ZNF839: variants seen among roughly 807,000 people sequenced by gnomAD.
ZNF839 encodes zinc finger protein 839, also known as renal carcinoma antigen NY-REN-50.
Under a neutral mutation model 56.4 loss-of-function variants are expected in ZNF839, and 38 were observed. The observed-to-expected ratio is 0.67, with a 90% CI of 0.52 to 0.88. The LOEUF is 0.88. Among genes scored for constraint, ZNF839 ranks in the 40% least tolerant of loss-of-function variants. The pLI is 0.00. For missense variants in ZNF839, 1,091 were observed against 1,177.6 expected (o/e 0.93, Z 1.08); for synonymous variants, 486 against 493.5 (o/e 0.98, Z 0.20).
Position 102,341,309 on chromosome 14 carries a change from C to T in ZNF839, c.1928-14C>T, listed in dbSNP as rs1207797595. On this transcript the variant is annotated splice_polypyrimidine_tract_variant and intron_variant, in intron 7 of 7. Coordinates refer to ENST00000442396, the MANE Select transcript of ZNF839 (RefSeq NM_018335.6). ...CAGTACACGCCATGTTCACCTGTTT[C>T]CCAAAATGTTTAGGTTTTTCCCCTC... The T allele has an allele frequency of 2.6e-6, 4 of 1,514,404 alleles. No homozygotes were observed. Among genetic ancestry groups the T allele is most frequent in the Non-Finnish European group, 3.5e-6 (4 of 1,131,878 alleles). The allele number at this position is 1,514,404 out of a possible 1,614,324, so 93.8% of individuals were successfully genotyped here.
At chr14:102,328,375 A>AAAAAAT (rs1197718891) in intron 2 of ZNF839, among the ~76,000 whole-genome samples, 12 of 16,340 alleles carry the variant, frequency 7.3e-4, no homozygotes, top group Non-Finnish European at 1.2e-3. Flanking sequence ...AAAAAAAAAA[A>AAAAAAT]ATATATATAT....
chr14:102,338,929 T>C lies in ZNF839; in HGVS notation c.1773T>C (p.Ala591=). ...RDMDGEQLEG[A]SSEKREREAA... ...TGGATGGGGAGCAGCTAGAGGGAGCTAGCAGCGAGAAGAGGGAACGTGAGG... is the reference window on the plus strand; with the variant it reads ...TGGATGGGGAGCAGCTAGAGGGAGCCAGCAGCGAGAAGAGGGAACGTGAGG... The change falls in exon 6 of 8, where the codon GCT becomes GCC. Residue 591 remains alanine (A), a synonymous_variant. Transcript: ENST00000442396. 6.2e-7 allele frequency: 1 copy of C among 1,613,894 alleles called. No homozygotes were observed. Among genetic ancestry groups the C allele is most frequent in the Middle Eastern group, 1.6e-4 (1 of 6,062 alleles).
rs2139439042 is a variant in ZNF839 at position 102,319,924 on chromosome 14, G to A, written c.159G>A (p.Pro53=). 8.8e-7 allele frequency: 1 copy of A among 1,136,012 alleles called. No individual in the cohort carries two copies. 70.4% of individuals were successfully genotyped at this position (1,136,012 alleles called of 1,614,324 possible). ...TGGAGCAGGTGACGAAGGCGCAGCC[G>A]CCGCCGCCGCCGCCCCCCTTCGTGC... ...QVLEQVTKAQ[P]PPPPPPFVLR... is the part of the protein sequence containing the mutation. The change falls in exon 1 of 8, where the codon CCG becomes CCA. Residue 53 remains proline, a synonymous_variant. Coordinates refer to ENST00000442396, the MANE Select transcript of ZNF839 (RefSeq NM_018335.6). The surrounding 1 kb of genome is among the most constrained non-coding windows in gnomAD (Gnocchi z 4.5).
chr14:102,328,973 CTTTT>C (rs201814671), intron 2 of ZNF839, among the ~76,000 whole-genome samples: 2 of 142,216 alleles, frequency 1.4e-5, no homozygotes, highest in African/African-American at 2.6e-5. Flanking sequence ...CTGCTTTCTT[CTTTT>C]TTTTTTTTTT....
chr14:102,335,822 A>C lies in ZNF839; in HGVS notation c.1643A>C (p.Glu548Ala). The C allele has an allele frequency of 6.2e-7, 1 of 1,609,992 alleles. No individual in the cohort carries two copies. Residue 548 changes from glutamate (E) to alanine (A), a missense_variant, in exon 5 of 8, where the codon GAA becomes GCA. By Grantham distance (107) the Glu-to-Ala change is moderately radical. Coordinates refer to ENST00000442396, the MANE Select transcript of ZNF839 (RefSeq NM_018335.6). ...SSGLCSQETL[E>A]INNDKVAESL... The stretch of plus-strand genomic sequence containing the variant: ...GGTCTGTGTTCCCAGGAGACCCTGG[A>C]AATAAACAATGATAAGGTAACAATC...
chr14:102,319,755 C>T lies in ZNF839; in HGVS notation c.-11C>T, dbSNP rs984138503. On this transcript the variant is annotated 5_prime_UTR_variant, in exon 1 of 8. Transcript: ENST00000442396. This position sits in a 1 kb window ranked among gnomAD's most constrained non-coding sequence, Gnocchi z 4.5. ...TCAGCGACCCGGGTTCGAGTCCCCGCCTCGGCCGCCATGGCGGATGCGGAG... is the reference window on the plus strand; with the variant it reads ...TCAGCGACCCGGGTTCGAGTCCCCGTCTCGGCCGCCATGGCGGATGCGGAG... The T allele has an allele frequency of 8.1e-7, 1 of 1,229,466 alleles. No individual in the cohort carries two copies. The allele number at this position is 1,229,466 out of a possible 1,614,324, so 76.2% of individuals were successfully genotyped here. A position where few individuals can be genotyped will look rare whatever the true frequency, so the allele number is the denominator to read the frequency against.
Position 102,342,289 on chromosome 14 carries a change from A to C in ZNF839, c.*110A>C. The stretch of plus-strand genomic sequence containing the variant: ...GTCTGATTTTATCCAGAGAAGGTCT[A>C]TGGCAAGCAATGTATATTTTTCTAA... On this transcript the variant is annotated 3_prime_UTR_variant, in exon 8 of 8. Transcript: ENST00000442396. 1.5e-6 allele frequency: 2 copies of C among 1,330,970 alleles called. No homozygotes were observed. The highest frequency in any genetic ancestry group is 2.1e-6 in the Non-Finnish European group (2 of 974,342). 82.4% of individuals were successfully genotyped at this position (1,330,970 alleles called of 1,614,324 possible). A position where few individuals can be genotyped will look rare whatever the true frequency, so the allele number is the denominator to read the frequency against.
At chr14:102,337,610 C>T (rs1567296046) in intron 5 of ZNF839, 1 of 152,174 alleles carries the variant, frequency 6.6e-6, no homozygotes, top group Non-Finnish European at 1.5e-5. Context: ...TGAGGCGGAA[C>T]TCGGCACACA....
In ZNF839 at chr14:102,341,930, C is replaced by T; in HGVS notation, c.2535C>T (p.Asn845=). 1 of 1,614,028 alleles carries T rather than the reference C, an allele frequency of 6.2e-7. No individual in the cohort carries two copies. Among genetic ancestry groups the T allele is most frequent in the Non-Finnish European group, 8.5e-7 (1 of 1,179,900 alleles). The change falls in exon 8 of 8, where the codon AAC becomes AAT. Residue 845 remains asparagine (N), a synonymous_variant. Coordinates refer to ENST00000442396, the MANE Select transcript of ZNF839 (RefSeq NM_018335.6). ...TCAGAAGCCTTTCGGGGGACTTGAA[C>T]CGGTTCCCCTGTGGGATGGAGGTGC... is the stretch of plus-strand genomic sequence containing the variant. ...GCLRSLSGDL[N]RFPCGMEVHS... is the part of the protein sequence containing the mutation.
At chr14:102,340,236 A>G (rs1471863067) in intron 7 of ZNF839, among the ~76,000 whole-genome samples, 1 of 148,434 alleles carries the variant, frequency 6.7e-6, no homozygotes, top group Non-Finnish European at 1.5e-5. Context: ...TCGGCCTCCC[A>G]AAGTGCTGGG....
chr14:102,318,204 C>T (rs770465178), upstream of ZNF839, among the ~76,000 whole-genome samples: 1 of 152,198 alleles, frequency 6.6e-6, no homozygotes, highest in African/African-American at 2.4e-5. Flanking sequence ...ATAGTCGTGC[C>T]AGGCACGTTG....
At chr14:102,336,600 T>TA in intron 5 of ZNF839, 1 of 401,226 alleles carries the variant, frequency 2.5e-6, no homozygotes, top group Non-Finnish European at 4.9e-6. Flanking sequence ...CGGTCCCCAG[T>TA]TTTTTTTTTC....
In ZNF839 at chr14:102,342,361, T is replaced by G. The variant is rs893477225; in HGVS notation, c.*182T>G. 4 of 686,598 alleles carry G rather than the reference T, an allele frequency of 5.8e-6. No individual in the cohort carries two copies. In the Admixed American group the frequency reaches 9.9e-5, roughly 17 times the overall value. The allele number at this position is 686,598 out of a possible 1,614,324, so 42.5% of individuals were successfully genotyped here. ...CCTTTTATTTATAAAGAATAATGTC[T>G]TTCTGCCCTGCTGTCTACATTTTTC... On this transcript the variant is annotated 3_prime_UTR_variant, in exon 8 of 8. Transcript: ENST00000442396.
At chr14:102,333,687 C>T (rs2073891682) in intron 3 of ZNF839, among the ~76,000 whole-genome samples, 1 of 152,124 alleles carries the variant, frequency 6.6e-6, no homozygotes, top group Non-Finnish European at 1.5e-5. Context: ...TTTCCCAGGC[C>T]TTCTTCCCTC....
intron 1 of ZNF839, among the ~76,000 whole-genome samples, chr14:102,322,684 C>G (rs1012328841): frequency 4.6e-5 from 7 of 152,162 alleles, no homozygotes; most frequent in African/African-American, 7.2e-5. Flanking sequence ...CACACCTCAG[C>G]CTCCCGAGTA....
At chr14:102,322,020 C>G (rs1333267429) in intron 1 of ZNF839, among the ~76,000 whole-genome samples, 1 of 152,172 alleles carries the variant, frequency 6.6e-6, no homozygotes, top group Non-Finnish European at 1.5e-5. Flanking sequence ...CCAGTTCCAT[C>G]CAACATGCTG....
At chr14:102,330,220 CTCTT>C (rs1051129627) in intron 2 of ZNF839, among the ~76,000 whole-genome samples, 4 of 151,796 alleles carry the variant, frequency 2.6e-5, no homozygotes, top group Non-Finnish European at 5.9e-5. Context: ...ATAATTCTCT[CTCTT>C]TTTTTAATTT....
At position 102,331,270 on chromosome 14, in the gene ZNF839, CAG is replaced by C. The variant is rs1032337214; in HGVS notation, c.1192-349_1192-348del. The stretch of plus-strand genomic sequence containing the variant: ...ATCTTTTTTTTTCTTTTTTTTGAGA[CAG>C]AGTTTCCCTCTTGTCACCCAGGCTG... On this transcript the variant is annotated intron_variant, in intron 2 of 7. Transcript: ENST00000442396. Among the ~76,000 whole-genome samples the C allele has an allele frequency of 3.3e-4, 50 of 151,676 alleles. 1 individual carries two copies. The highest frequency in any genetic ancestry group is 1.1e-3 in the African/African-American group (47 of 41,356).
intron 5 of ZNF839, 48 bp from the exon 6 acceptor site, chr14:102,338,768 T>G: frequency 6.2e-7 from 1 of 1,610,262 alleles, no homozygotes; most frequent in Middle Eastern, 1.7e-4. Flanking sequence ...CTTCTGGGGG[T>G]GTGTGCTGTT....
Sources: allele counts gnomAD v4.1 joint callset (sites outside exome capture counted in the v4.1 genomes callset), GRCh38; gene constraint gnomAD v4.1.1; non-coding constraint Gnocchi (gnomAD v3.1); transcripts MANE v1.5; gene names NCBI Gene and HGNC (gene_info 2026-07-23, HGNC 2026-07-21).